The following FAM169A variants were observed in gnomAD, a reference collection of about 807,000 sequenced individuals.
FAM169A encodes the protein family with sequence similarity 169 member A.
A neutral mutation model predicts 75.7 loss-of-function variants in FAM169A; 24 were observed. That is an observed-to-expected ratio of 0.32 (90% confidence interval 0.23 to 0.45). The LOEUF (loss-of-function observed/expected upper bound fraction) is 0.45, where lower values mean the gene tolerates loss of function less well. Ranked by LOEUF, FAM169A falls within the 20% of genes least tolerant of loss-of-function variation. The pLI is 1.00. For missense variants in FAM169A, 673 were observed against 784.0 expected (o/e 0.86, Z 1.69); for synonymous variants, 271 against 271.0 (o/e 1.00, Z 0.00).
At chr5:74,848,347 CAA>C (rs1178483054) in intron 1 of FAM169A, among the ~76,000 whole-genome samples, 8 of 152,020 alleles carry the variant, frequency 5.3e-5, no homozygotes, top group African/African-American at 1.7e-4. Context: ...TTTTGGAGTT[CAA>C]GAGACTTGAC....
chr5:74,813,868 C>T lies in FAM169A; in HGVS notation c.642G>A (p.Arg214=), dbSNP rs61729972. The T allele has an allele frequency of 1.9e-6, 3 of 1,595,812 alleles. No individual in the cohort carries two copies. Among genetic ancestry groups the T allele is most frequent in the Non-Finnish European group, 2.6e-6 (3 of 1,174,886 alleles). The part of the protein sequence containing the change: ...DSFTEDALGL[R]YPLSSLMYTA... ...TATACATGAGAGAAGACAGTGGATA[C>T]CGCAAGCCAAGCGCATCTTCTGTAA... The change falls in exon 6 of 13, where the codon CGG becomes CGA. Residue 214 remains arginine (R), a synonymous_variant. Coordinates refer to ENST00000687041, the MANE Select transcript of FAM169A (RefSeq NM_001376049.1).
intron 10 of FAM169A, 99 bp from the exon 11 acceptor site, chr5:74,796,285 T>A: frequency 9.3e-7 from 1 of 1,078,718 alleles, no homozygotes; most frequent in Non-Finnish European, 1.3e-6. Flanking sequence ...GAATCAACTA[T>A]GTTGTCAACA....
Position 74,813,883 on chromosome 5 carries a change from A to C in FAM169A, c.627T>G (p.Asp209Glu). The C allele has an allele frequency of 6.2e-7, 1 of 1,604,378 alleles. No homozygotes were observed. Reference sequence around the variant, plus strand: ...ACAGTGGATACCGCAAGCCAAGCGCATCTTCTGTAAAGGAATCAACAAAGT... The same window carrying C: ...ACAGTGGATACCGCAAGCCAAGCGCCTCTTCTGTAAAGGAATCAACAAAGT... ...LEDFVDSFTE[D>E]ALGLRYPLSS... The change falls in exon 6 of 13, where the codon GAT (aspartate) becomes GAG (glutamate). Residue 209 changes from aspartate to glutamate, a missense_variant. By Grantham distance (45) the Asp-to-Glu change is conservative. Transcript: ENST00000687041.
intron 1 of FAM169A, among the ~76,000 whole-genome samples, chr5:74,862,972 T>C (rs1319116878): frequency 6.8e-6 from 1 of 147,098 alleles, no homozygotes; most frequent in African/African-American, 2.6e-5. Context: ...CTTTGTTTAG[T>C]CTAAAACTAG....
intron 8 of FAM169A, among the ~76,000 whole-genome samples, chr5:74,803,848 C>G (rs1746715293): frequency 6.6e-6 from 1 of 152,156 alleles, no homozygotes; most frequent in Admixed American, 6.5e-5. Flanking sequence ...AGTCTTTCAC[C>G]TACTAATTCC....
intron 1 of FAM169A, among the ~76,000 whole-genome samples, chr5:74,857,730 A>T (rs554108513): frequency 9.9e-4 from 151 of 152,276 alleles, no homozygotes; most frequent in Admixed American, 2.3e-3. Context: ...CCAAAAATGA[A>T]TTAATTACAG....
chr5:74,854,050 T>A (rs1237217358), intron 1 of FAM169A, among the ~76,000 whole-genome samples: 1 of 152,054 alleles, frequency 6.6e-6, no homozygotes, highest in Non-Finnish European at 1.5e-5. Context: ...ATGGGATACA[T>A]GAGATATTTC....
rs1745213978 is a variant in FAM169A, at chr5:74,778,116, TG to T, written c.*3343del. 6.6e-6 allele frequency: 1 copy of T among 152,060 alleles called. No individual in the cohort carries two copies. The highest frequency in any genetic ancestry group is 2.4e-5 in the African/African-American group (1 of 41,442). The allele number at this position is 152,060 out of a possible 1,614,324, so 9.4% of individuals were successfully genotyped here. On this transcript the variant is annotated 3_prime_UTR_variant, in exon 13 of 13. Coordinates refer to ENST00000687041, the MANE Select transcript of FAM169A (RefSeq NM_001376049.1). ...GGATACTACAAAAATGAAGTTTGCTTGTTTTTTTTAGAACCAAAAATACTAT... is the reference window on the plus strand; with the variant it reads ...GGATACTACAAAAATGAAGTTTGCTTTTTTTTTTAGAACCAAAAATACTAT...
In FAM169A at chr5:74,839,076, C is replaced by A. The variant is rs980366767; in HGVS notation, c.233-26G>T. The A allele has an allele frequency of 3.2e-6, 5 of 1,543,896 alleles. No individual in the cohort carries two copies. The Admixed American group carries it at 6.7e-5, about 21-fold the overall frequency. On this transcript the variant is annotated intron_variant, in intron 3 of 12. Transcript: ENST00000687041. Reference sequence around the variant, plus strand: ...CTAAAATAGAATAAATAATCATTAACACTTGAGTTTTAAAGTACACTTTTA... The same window carrying A: ...CTAAAATAGAATAAATAATCATTAAAACTTGAGTTTTAAAGTACACTTTTA...
chr5:74,827,628 T>C (rs1748102687), intron 5 of FAM169A, among the ~76,000 whole-genome samples: 1 of 151,970 alleles, frequency 6.6e-6, no homozygotes. Flanking sequence ...AAACCAAATA[T>C]TATTTTAAAT....
rs1747326965 is a variant in FAM169A, at chr5:74,813,726, C to A, written c.670+114G>T. 7.3e-6 allele frequency: 5 copies of A among 682,126 alleles called. No individual in the cohort carries two copies. The East Asian group carries it at 1.3e-4, about 17-fold the overall frequency. 42.3% of individuals were successfully genotyped at this position (682,126 alleles called of 1,614,324 possible). A position where few individuals can be genotyped will look rare whatever the true frequency, so the allele number is the denominator to read the frequency against. ...ATTTGCCAAAGTAAGTTCTAGAGAG[C>A]CTAAGGTTCCAAATTTATGTGATAC... is the stretch of plus-strand genomic sequence containing the variant. On this transcript the variant is annotated intron_variant, in intron 6 of 12. Transcript: ENST00000687041.
At chr5:74,846,910 G>A (rs71627074) in intron 1 of FAM169A, among the ~76,000 whole-genome samples, 3,606 of 152,208 alleles carry the variant, frequency 0.024, 62 homozygotes, top group Non-Finnish European at 0.032. Context: ...ACCCTACTAC[G>A]TCATGGCAGG....
At chr5:74,835,601 C>CAAAAA (rs35800429) in intron 4 of FAM169A, among the ~76,000 whole-genome samples, 6 of 59,176 alleles carry the variant, frequency 1.0e-4, no homozygotes, top group Admixed American at 5.1e-4. Context: ...GACTGTGTCT[C>CAAAAA]AAAAAAAAAA....
At chr5:74,862,799 C>T (rs1307689758) in intron 1 of FAM169A, among the ~76,000 whole-genome samples, 1 of 152,078 alleles carries the variant, frequency 6.6e-6, no homozygotes, top group Non-Finnish European at 1.5e-5. Flanking sequence ...AATTTGTTCC[C>T]AACTCGTATT....
intron 6 of FAM169A, among the ~76,000 whole-genome samples, chr5:74,807,563 A>G (rs184418231): frequency 5.1e-4 from 78 of 152,360 alleles, no homozygotes; most frequent in Middle Eastern, 3.4e-3. Context: ...GTCAAGGGCC[A>G]TTTGTACATA....
intron 11 of FAM169A, among the ~76,000 whole-genome samples, chr5:74,791,646 G>A (rs565709595): frequency 3.9e-5 from 6 of 152,306 alleles, no homozygotes; most frequent in African/African-American, 1.4e-4. Context: ...GAATATAGGA[G>A]ATCCCTTGGG....
chr5:74,838,426 A>C (rs1217047880), intron 4 of FAM169A, among the ~76,000 whole-genome samples: 1 of 152,180 alleles, frequency 6.6e-6, no homozygotes, highest in East Asian at 1.9e-4. Context: ...CAATAACTAG[A>C]GCACCAGAGA....
At chr5:74,790,269 A>C (rs1005443173) in intron 11 of FAM169A, among the ~76,000 whole-genome samples, 1 of 152,210 alleles carries the variant, frequency 6.6e-6, no homozygotes, top group South Asian at 2.1e-4. Flanking sequence ...CCAAAAGTGG[A>C]CAGCTACAGC....
At chr5:74,866,591 G>GC, upstream of FAM169A, 1 of 568,722 alleles carries the variant, frequency 1.8e-6, no homozygotes, top group Non-Finnish European at 2.2e-6. Context: ...CGCCACCCGC[G>GC]CCCCCTCTCT....
Sources: gnomAD v4.1 joint callset for allele counts (sites outside exome capture counted in the v4.1 genomes callset) on GRCh38, gnomAD v4.1.1 for gene constraint, MANE v1.5 for transcripts, NCBI Gene and HGNC (gene_info 2026-07-23, HGNC 2026-07-21) for gene names.